EPHA10: variants seen among roughly 807,000 people sequenced by gnomAD.
EPHA10 encodes the protein ephrin type-A receptor 10.
In EPHA10, 120 loss-of-function variants were observed where a neutral mutation model predicts 109.7. That is an observed-to-expected ratio of 1.09 (90% CI 0.94 to 1.27). The LOEUF (loss-of-function observed/expected upper bound fraction) is 1.27. Ranked by LOEUF, EPHA10 falls within the 50% of genes most tolerant of loss-of-function variation. The pLI is 0.00. For missense variants in EPHA10, 1,396 were observed against 1,411.1 expected (o/e 0.99, Z 0.17); for synonymous variants, 640 against 618.9 (o/e 1.03, Z -0.51).
rs1645806217 is a variant in EPHA10, at chr1:37,721,974, T to C, written c.1961-129A>G. ...GGCGAAACCCAGTCTCTACTAAAAA[T>C]ACAAAAATTAACCAGACAAGGTGGC... On this transcript the variant is annotated intron_variant, in intron 10 of 16. Transcript: ENST00000373048. The C allele has an allele frequency of 4.4e-6, 4 of 918,788 alleles. No individual in the cohort carries two copies. The East Asian group carries it at 9.2e-5, about 21-fold the overall frequency. 56.9% of individuals were successfully genotyped at this position (918,788 alleles called of 1,614,324 possible). A position where few individuals can be genotyped will look rare whatever the true frequency, so the allele number is the denominator to read the frequency against.
intron 10 of EPHA10, 152 bp downstream of exon 10, chr1:37,722,889 T>A (rs932531571): frequency 8.8e-7 from 1 of 1,137,814 alleles, no homozygotes; most frequent in African/African-American, 1.5e-5. Context: ...GGGTGGAGGG[T>A]GGGCTTGGTG....
Position 37,719,431 on chromosome 1 carries a change from G to A in EPHA10, c.2739C>T (p.Ala913=), listed in dbSNP as rs1265224710. ...GAACGTACCTGGGACAGGTAGTCAGGGCACACTTGGGGGGCTCTGGGTCCT... is the reference window on the plus strand; with the variant it reads ...GAACGTACCTGGGACAGGTAGTCAGAGCACACTTGGGGGGCTCTGGGTCCT... ...MVQDPEPPKC[A]LTTCPRPPTP... The change falls in exon 15 of 17, where the codon GCC becomes GCT. Residue 913 remains alanine (A), a synonymous_variant. Transcript: ENST00000373048. 36 of 1,613,264 alleles carry A rather than the reference G, an allele frequency of 2.2e-5. No individual in the cohort carries two copies. The highest frequency in any genetic ancestry group is 1.7e-4 in the Middle Eastern group (1 of 6,060).
rs922442986 is a variant in EPHA10, at chr1:37,753,071, C to T, written c.1162G>A (p.Ala388Thr). The change falls in exon 5 of 17, where the codon GCC becomes ACC. Residue 388 changes from alanine to threonine, a missense_variant. Transcript: ENST00000373048. ...LRCGREGPAG[A>T]CEPCGPRVAF... is the part of the protein sequence containing the mutation. ...ACGCGCGGCCCGCACGGCTCGCAGG[C>T]GCCCGCCGGGCCCTCGCGGCCGCAG... is the stretch of plus-strand genomic sequence containing the variant. 1.0e-4 allele frequency: 130 copies of T among 1,280,994 alleles called. No individual in the cohort carries two copies. Among genetic ancestry groups the T allele is most frequent in the Non-Finnish European group, 1.2e-4 (124 of 1,015,238 alleles). 79.4% of individuals were successfully genotyped at this position (1,280,994 alleles called of 1,614,324 possible). A position where few individuals can be genotyped will look rare whatever the true frequency, so the allele number is the denominator to read the frequency against.
At chr1:37,755,938 G>A (rs1381320652) in intron 3 of EPHA10, among the ~76,000 whole-genome samples, 2 of 152,184 alleles carry the variant, frequency 1.3e-5, no homozygotes, top group Admixed American at 6.5e-5. Flanking sequence ...AAAGGGTGCA[G>A]ACTAGCCCTC....
At position 37,753,319 on chromosome 1, in the gene EPHA10, C is replaced by G. The variant is rs1032911358; in HGVS notation, c.1007-93G>C. On this transcript the variant is annotated intron_variant, in intron 4 of 16. Transcript: ENST00000373048. ...GAGGGGGGGGCGGGGTCTTGTCCAC[C>G]CCCAGTGAGGCAGGAGAAGCAGGGG... The G allele has an allele frequency of 4.6e-6, 4 of 869,318 alleles. No individual in the cohort carries two copies. The South Asian group carries it at 1.8e-4, about 38-fold the overall frequency. The allele number at this position is 869,318 out of a possible 1,614,324, so 53.9% of individuals were successfully genotyped here.
rs963206855 is a variant in EPHA10, at chr1:37,765,102, C to T, written c.-36G>A. The T allele has an allele frequency of 4.5e-6, 7 of 1,543,564 alleles. No individual in the cohort carries two copies. The African/African-American group carries it at 8.2e-5, about 18-fold the overall frequency. ...CCGAGCTGTCAGTCCGGCGGCGGCT[C>T]AAGCCGCGCCAGCCTAGCACCGCTG... On this transcript the variant is annotated 5_prime_UTR_variant, in exon 1 of 17. Transcript: ENST00000373048.
intron 8 of EPHA10, among the ~76,000 whole-genome samples, chr1:37,725,506 CAAAAAAAA>C (rs536628850): frequency 2.8e-4 from 16 of 56,424 alleles, no homozygotes; most frequent in South Asian, 9.4e-4. Context: ...GGCTCCATCT[CAAAAAAAA>C]AAAAAAAAAA....
At chr1:37,736,498 A>AAAG (rs1553137681) in intron 5 of EPHA10, among the ~76,000 whole-genome samples, 3 of 144,512 alleles carry the variant, frequency 2.1e-5, no homozygotes, top group Non-Finnish European at 3.0e-5. Flanking sequence ...AAAAAAAAAA[A>AAAG]AGAGATTGAG....
chr1:37,741,854 C>T (rs1011948338), intron 5 of EPHA10, among the ~76,000 whole-genome samples: 2 of 151,992 alleles, frequency 1.3e-5, no homozygotes, highest in Non-Finnish European at 2.9e-5. Context: ...CTTCCCTATC[C>T]CCCGGGGGCG....
intron 6 of EPHA10, chr1:37,734,644 T>C: frequency 2.2e-6 from 1 of 456,104 alleles, no homozygotes; most frequent in South Asian, 1.5e-5. Context: ...CAACCACAGA[T>C]TGACAATGGA....
intron 5 of EPHA10, chr1:37,737,956 T>TGC (rs1646095080): frequency 1.1e-5 from 1 of 91,038 alleles, no homozygotes; most frequent in African/African-American, 4.1e-5. Flanking sequence ...TTTTTTTTTT[T>TGC]TTTGCTATCA....
intron 2 of EPHA10, among the ~76,000 whole-genome samples, 159 bp downstream of exon 2, chr1:37,762,626 A>G (rs993960294): frequency 6.8e-6 from 1 of 146,232 alleles, no homozygotes; most frequent in Non-Finnish European, 1.5e-5. Flanking sequence ...CTGAAGACTC[A>G]ATGTTTTCTA....
At chr1:37,741,858 G>A (rs970938814) in intron 5 of EPHA10, among the ~76,000 whole-genome samples, 7 of 151,720 alleles carry the variant, frequency 4.6e-5, no homozygotes, top group East Asian at 1.9e-4. Flanking sequence ...CCTATCCCCC[G>A]GGGGCGCTTC....
In EPHA10 at chr1:37,761,595, C is replaced by A; in HGVS notation, c.660G>T (p.Thr220=). Residue 220 remains threonine, a synonymous_variant, in exon 3 of 17, where the codon ACG becomes ACT. Transcript: ENST00000373048. ...QCRATVRGLA[T]FPATAAESAF... ...CGCTCTCGGCTGCGGTGGCTGGGAA[C>A]GTGGCCAGGCCCCGCACGGTGGCGC... 6.2e-7 allele frequency: 1 copy of A among 1,600,094 alleles called. No individual in the cohort carries two copies. Among genetic ancestry groups the A allele is most frequent in the Non-Finnish European group, 8.5e-7 (1 of 1,177,618 alleles).
intron 7 of EPHA10, among the ~76,000 whole-genome samples, chr1:37,729,602 G>C (rs553134305): frequency 3.3e-5 from 5 of 152,058 alleles, no homozygotes; most frequent in African/African-American, 1.2e-4. Context: ...TTTGGAAGGC[G>C]GGGGGCAGTG....
intron 5 of EPHA10, among the ~76,000 whole-genome samples, chr1:37,738,325 C>T (rs1429788180): frequency 6.6e-6 from 1 of 152,010 alleles, no homozygotes; most frequent in Non-Finnish European, 1.5e-5. Context: ...TGAGATCGCA[C>T]CACTGCACTC....
At chr1:37,733,256 C>G (rs910849903) in intron 6 of EPHA10, among the ~76,000 whole-genome samples, 3 of 151,872 alleles carry the variant, frequency 2.0e-5, no homozygotes, top group African/African-American at 4.8e-5. Context: ...GGGTCTCGCT[C>G]TGTTGCCCAG....
At position 37,755,328 on chromosome 1, in the gene EPHA10, G is replaced by GCACA. The variant is rs10623323; in HGVS notation, c.851-962_851-959dup. 2.5e-3 allele frequency among the ~76,000 whole-genome samples: 364 copies of GCACA among 147,602 alleles called. 1 individual carries two copies. The highest frequency in any genetic ancestry group is 0.022 in the East Asian group (107 of 4,932). ...CAGGGACAGACACACAAGCATACATGCACACACACACACACACCCTCCCAC... is the reference window on the plus strand; with the variant it reads ...CAGGGACAGACACACAAGCATACATGCACACACACACACACACACACCCTCCCAC... On this transcript the variant is annotated intron_variant, in intron 3 of 16. Coordinates refer to ENST00000373048, the MANE Select transcript of EPHA10 (RefSeq NM_001099439.2).
intron 3 of EPHA10, 65 bp downstream of exon 3, chr1:37,761,340 C>T (rs1334450099): frequency 6.4e-7 from 1 of 1,559,938 alleles, no homozygotes; most frequent in African/African-American, 1.4e-5. Flanking sequence ...CTCTAGGGCA[C>T]ACTCTCTCTC....
Sources: gnomAD v4.1 joint callset for allele counts (sites outside exome capture counted in the v4.1 genomes callset) on GRCh38, gnomAD v4.1.1 for gene constraint, MANE v1.5 for transcripts, NCBI Gene and HGNC (gene_info 2026-07-23, HGNC 2026-07-21) for gene names.